The following PLCG2 variants were observed in gnomAD, a reference collection of about 807,000 sequenced individuals.
PLCG2 encodes phospholipase C gamma 2.
In PLCG2, 69 loss-of-function variants were observed where a neutral mutation model predicts 175.6. The observed-to-expected ratio is 0.39, with a 90% CI of 0.32 to 0.48. The LOEUF (loss-of-function observed/expected upper bound fraction) is 0.48. PLCG2 is among the 20% of genes least tolerant of loss of function. The pLI, the probability that PLCG2 is intolerant of heterozygous loss-of-function variation, is 0.91. For missense variants in PLCG2, 1,798 were observed against 1,650.9 expected, an observed-to-expected ratio of 1.09 and a Z score of -1.54; for synonymous variants, 827 against 624.0, an observed-to-expected ratio of 1.33 and a Z score of -4.85.
chr16:81,901,129 A>G (rs1909132894), intron 14 of PLCG2, among the ~76,000 whole-genome samples: 1 of 152,020 alleles, frequency 6.6e-6, no homozygotes, highest in Admixed American at 6.5e-5. Flanking sequence ...TTCATTGGTG[A>G]ACCTTCCCCA....
chr16:81,874,269 G>T (rs2143543300), intron 7 of PLCG2, among the ~76,000 whole-genome samples: 1 of 152,294 alleles, frequency 6.6e-6, no homozygotes, highest in African/African-American at 2.4e-5. Context: ...CACTTTCTCT[G>T]TATTGACCCA....
intron 2 of PLCG2, among the ~76,000 whole-genome samples, chr16:81,841,308 C>T (rs1905817535): frequency 3.9e-5 from 6 of 151,988 alleles, no homozygotes; most frequent in Admixed American, 3.9e-4. Flanking sequence ...ATGATCTTGG[C>T]TCACTTCAAC....
intron 2 of PLCG2, among the ~76,000 whole-genome samples, chr16:81,764,381 C>T (rs1466590837): frequency 6.6e-6 from 1 of 152,194 alleles, no homozygotes; most frequent in Non-Finnish European, 1.5e-5. Flanking sequence ...GACCCCATCT[C>T]TCCATGGACG....
rs57346304 is a variant in PLCG2 at position 81,818,883 on chromosome 16, A to ATT, written c.193+32724_193+32725dup. On this transcript the variant is annotated intron_variant, in intron 2 of 32. Transcript: ENST00000564138. ...TCCATAAGCTAGTGTGGGCTCATGG[A>ATT]TTTTTTTTTTTTTTTTTTTTTTTTA... 7.4e-4 allele frequency among the ~76,000 whole-genome samples: 79 copies of ATT among 106,608 alleles called. 3 individuals carry two copies. Among genetic ancestry groups the ATT allele is most frequent in the African/African-American group, 2.9e-3 (73 of 24,950 alleles). The allele number at this position is 106,608 out of a possible 152,430, so 69.9% of individuals were successfully genotyped here. A position where few individuals can be genotyped will look rare whatever the true frequency, so the allele number is the denominator to read the frequency against.
At chr16:81,820,626 T>G (rs969817570) in intron 2 of PLCG2, among the ~76,000 whole-genome samples, 3 of 42 alleles carry the variant, frequency 0.071, no homozygotes, top group Admixed American at 0.33. Context: ...CATTACCCAA[T>G]TTTTTTTTTT....
intron 3 of PLCG2, among the ~76,000 whole-genome samples, chr16:81,855,497 T>A (rs974359157): frequency 6.6e-6 from 1 of 152,246 alleles, no homozygotes; most frequent in Non-Finnish European, 1.5e-5. Flanking sequence ...TTCGGTCAAA[T>A]AACTTATTAA....
intron 2 of PLCG2, among the ~76,000 whole-genome samples, chr16:81,805,722 C>T (rs989174501): frequency 1.2e-4 from 18 of 145,290 alleles, no homozygotes; most frequent in East Asian, 7.9e-4. Flanking sequence ...AATGGAAATA[C>T]AGTGTGAGTC....
chr16:81,741,009 C>G (rs1417170131), intron 1 of PLCG2, among the ~76,000 whole-genome samples: 1 of 152,224 alleles, frequency 6.6e-6, no homozygotes, highest in Non-Finnish European at 1.5e-5. Context: ...TCCATGCACC[C>G]TCTGTGCCCC....
intron 1 of PLCG2, among the ~76,000 whole-genome samples, chr16:81,745,755 A>AG (rs1491169499): frequency 6.6e-6 from 1 of 152,176 alleles, no homozygotes; most frequent in East Asian, 1.9e-4. Flanking sequence ...CATTAGGGTC[A>AG]GGGGGGAGCT....
At chr16:81,951,404 G>C (rs564382550) in intron 31 of PLCG2, among the ~76,000 whole-genome samples, 13 of 152,290 alleles carry the variant, frequency 8.5e-5, no homozygotes, top group African/African-American at 3.1e-4. Flanking sequence ...AATGTAAATA[G>C]GCTAAAATTG....
chr16:81,768,658 C>T (rs543300694), intron 2 of PLCG2, among the ~76,000 whole-genome samples: 20 of 151,460 alleles, frequency 1.3e-4, no homozygotes, highest in East Asian at 5.8e-4. Flanking sequence ...CTCCGCCTCC[C>T]GGGTTCAAGC....
rs12149858 is a variant in PLCG2, at chr16:81,935,487, G to T, written c.2843-682G>T. 1,855 of 979,304 alleles carry T rather than the reference G, an allele frequency of 1.9e-3. 3 individuals carry two copies. The highest frequency in any genetic ancestry group is 2.7e-3 in the East Asian group (24 of 8,778). 60.7% of individuals were successfully genotyped at this position (979,304 alleles called of 1,614,324 possible). A position where few individuals can be genotyped will look rare whatever the true frequency, so the allele number is the denominator to read the frequency against. ...AGCAAGCTTTTTGATGATGCTGTAC[G>T]TATTTTTTTCTTTGGGTGTTTTGAG... On this transcript the variant is annotated intron_variant, in intron 26 of 32. Coordinates refer to ENST00000564138, the MANE Select transcript of PLCG2 (RefSeq NM_002661.5).
chr16:81,809,946 C>T (rs1050089093), intron 2 of PLCG2, among the ~76,000 whole-genome samples: 2 of 151,496 alleles, frequency 1.3e-5, no homozygotes, highest in Admixed American at 6.6e-5. Flanking sequence ...TTCCCATGCT[C>T]TCTTCATCTT....
chr16:81,893,419 C>G (rs1908730796), intron 11 of PLCG2, among the ~76,000 whole-genome samples: 1 of 148,186 alleles, frequency 6.7e-6, no homozygotes, highest in Non-Finnish European at 1.5e-5. Flanking sequence ...TTCTGACGTG[C>G]TTTGACCAAC....
Position 81,753,035 on chromosome 16 carries a change from C to G in PLCG2, c.-144-2835C>G, listed in dbSNP as rs1909843753. Among the ~76,000 whole-genome samples the G allele has an allele frequency of 2.0e-5, 3 of 152,346 alleles. No individual in the cohort carries two copies. In the South Asian group the frequency reaches 6.2e-4, roughly 32 times the overall value. Reference sequence around the variant, plus strand: ...AGCAAGTGCTTAATAATGGTATGAGCTACTATTAGCTAGTGCCTGTGGCTC... The same window carrying G: ...AGCAAGTGCTTAATAATGGTATGAGGTACTATTAGCTAGTGCCTGTGGCTC... On this transcript the variant is annotated intron_variant, in intron 1 of 5. Transcript: ENST00000565054.
At chr16:81,863,103 G>T (rs1205412044) in intron 5 of PLCG2, among the ~76,000 whole-genome samples, 1 of 152,200 alleles carries the variant, frequency 6.6e-6, no homozygotes, top group Non-Finnish European at 1.5e-5. Flanking sequence ...TCTGTGGGAT[G>T]AAGTATATCA....
At chr16:81,767,887 G>A (rs553952054) in intron 2 of PLCG2, 1 of 152,012 alleles carries the variant, frequency 6.6e-6, no homozygotes, top group East Asian at 1.9e-4. Flanking sequence ...GTCTTTTTTG[G>A]GGGGAGTCGG....
intron 2 of PLCG2, among the ~76,000 whole-genome samples, chr16:81,812,594 G>C (rs997592501): frequency 2.6e-5 from 4 of 152,184 alleles, no homozygotes; most frequent in African/African-American, 7.2e-5. Context: ...CCATTTGTCA[G>C]ATGGATAGAT....
chr16:81,867,204 G>C (rs866535093), intron 5 of PLCG2, among the ~76,000 whole-genome samples: 1 of 152,192 alleles, frequency 6.6e-6, no homozygotes, highest in Non-Finnish European at 1.5e-5. Context: ...ACTTCCTTCC[G>C]CATGCCACAG....
Sources: allele counts gnomAD v4.1 joint callset (sites outside exome capture counted in the v4.1 genomes callset), GRCh38; gene constraint gnomAD v4.1.1; transcripts MANE v1.5; gene names NCBI Gene and HGNC (gene_info 2026-07-23, HGNC 2026-07-21).